Variants in OSBP2 observed in about 807,000 individuals in gnomAD.
OSBP2 encodes oxysterol binding protein 2, also known as oxysterol-binding protein 2.
OSBP2 carries 66 observed loss-of-function variants against 96.0 expected under a neutral mutation model. The observed-to-expected ratio is 0.69, with a 90% CI of 0.56 to 0.84. OSBP2 has a LOEUF of 0.84. Among genes scored for constraint, OSBP2 ranks in the 40% least tolerant of loss-of-function variants. The pLI is 0.00. For synonymous variants in OSBP2, 525 were observed against 520.9 expected, an observed-to-expected ratio of 1.01 and a Z score of -0.11; for missense variants, 1,038 against 1,222.7, an observed-to-expected ratio of 0.85 and a Z score of 2.25.
chr22:30,870,817 C>T lies in OSBP2; in HGVS notation c.1107+135C>T, dbSNP rs528935820. 23 of 886,306 alleles carry T rather than the reference C, an allele frequency of 2.6e-5. No homozygotes were observed. Among genetic ancestry groups the T allele is most frequent in the South Asian group, 1.2e-4 (7 of 58,326 alleles). The allele number at this position is 886,306 out of a possible 1,614,324, so 54.9% of individuals were successfully genotyped here. A position where few individuals can be genotyped will look rare whatever the true frequency, so the allele number is the denominator to read the frequency against. On this transcript the variant is annotated intron_variant, in intron 3 of 13. Coordinates refer to ENST00000332585, the MANE Select transcript of OSBP2 (RefSeq NM_030758.4). This position sits in a 1 kb window ranked among gnomAD's most constrained non-coding sequence, Gnocchi z 4.1. The stretch of plus-strand genomic sequence containing the variant: ...GTTCCACGGTGTTTCCCAAAGCCAG[C>T]GCCCCCCAGCTAGCTTCCGAGTTCT...
chr22:30,843,443 T>TCCCCCCCCCCC (rs1569146745), intron 2 of OSBP2, among the ~76,000 whole-genome samples: 1 of 99,616 alleles, frequency 1.0e-5, no homozygotes, highest in Non-Finnish European at 1.9e-5. Context: ...TCAGGAATCT[T>TCCCCCCCCCCC]TCCCCCCTCC....
At chr22:30,848,773 G>A (rs1465312986) in intron 2 of OSBP2, among the ~76,000 whole-genome samples, 3 of 151,970 alleles carry the variant, frequency 2.0e-5, no homozygotes, top group Admixed American at 1.3e-4. Context: ...TTGCTAACTC[G>A]TTTTCCATAG....
At chr22:30,787,681 AAAG>A (rs2090612595) in intron 2 of OSBP2, among the ~76,000 whole-genome samples, 1 of 152,094 alleles carries the variant, frequency 6.6e-6, no homozygotes, top group African/African-American at 2.4e-5. Context: ...TAAAAAGAAA[AAAG>A]AAAAAAAAGA....
intron 12 of OSBP2, among the ~76,000 whole-genome samples, chr22:30,897,530 A>C (rs559899219): frequency 6.6e-6 from 1 of 152,388 alleles, no homozygotes; most frequent in East Asian, 1.9e-4. Flanking sequence ...AGAAGTTACA[A>C]GCAAAATGAC....
Position 30,695,015 on chromosome 22 carries a change from G to A in OSBP2, c.106G>A (p.Ala36Thr). ...CCCCTGCCTGTCGTGCCACACGGCG[G>A]CGCCGGGCATGAGCGCTTCCACGTC... is the stretch of plus-strand genomic sequence containing the variant. ...VVPCLSCHTA[A>T]PGMSASTSGS... is the part of the protein sequence containing the mutation. The change falls in exon 1 of 14, where the codon GCG becomes ACG. Residue 36 changes from alanine (A) to threonine (T), a missense_variant. This residue lies in a region of OSBP2 where 281 missense variants were observed against 273.4 expected (regional missense o/e 1.03). Coordinates refer to ENST00000332585, the MANE Select transcript of OSBP2 (RefSeq NM_030758.4). 2 of 1,581,612 alleles carry A rather than the reference G, an allele frequency of 1.3e-6. No individual in the cohort carries two copies. Among genetic ancestry groups the A allele is most frequent in the Non-Finnish European group, 1.7e-6 (2 of 1,166,750 alleles).
chr22:30,832,719 C>T (rs910043767), intron 2 of OSBP2, among the ~76,000 whole-genome samples: 1 of 152,114 alleles, frequency 6.6e-6, no homozygotes, highest in African/African-American at 2.4e-5. Flanking sequence ...AGTTTCCTTG[C>T]GGGGTATTAA....
chr22:30,772,057 G>A (rs2090353064), intron 2 of OSBP2, among the ~76,000 whole-genome samples: 1 of 152,216 alleles, frequency 6.6e-6, no homozygotes, highest in African/African-American at 2.4e-5. Flanking sequence ...CCATCAGACA[G>A]CCGCAAGCCA....
At chr22:30,743,701 G>T (rs1378849302) in intron 2 of OSBP2, among the ~76,000 whole-genome samples, 2 of 152,138 alleles carry the variant, frequency 1.3e-5, no homozygotes, top group Admixed American at 6.6e-5. Context: ...ATAAATAAAT[G>T]ATAAATTGCC....
chr22:30,827,073 T>C (rs2146993305), intron 2 of OSBP2, among the ~76,000 whole-genome samples: 1 of 152,162 alleles, frequency 6.6e-6, no homozygotes, highest in South Asian at 2.1e-4. Flanking sequence ...CAGCTGTGTA[T>C]TGGAGGATGA....
At chr22:30,847,076 C>CA (rs1429129260) in intron 2 of OSBP2, among the ~76,000 whole-genome samples, 1 of 152,098 alleles carries the variant, frequency 6.6e-6, no homozygotes, top group African/African-American at 2.4e-5. Context: ...CTCCCAGGTT[C>CA]AAATGATCCT....
intron 2 of OSBP2, among the ~76,000 whole-genome samples, chr22:30,860,476 A>G (rs2039188107): frequency 6.6e-6 from 1 of 152,218 alleles, no homozygotes; most frequent in South Asian, 2.1e-4. Context: ...GGCTCAGGGG[A>G]GAAGCTGAGC....
intron 1 of OSBP2, among the ~76,000 whole-genome samples, chr22:30,709,386 A>T (rs1346159919): frequency 6.6e-6 from 1 of 152,162 alleles, no homozygotes; most frequent in Non-Finnish European, 1.5e-5. Flanking sequence ...TCTTAGTTTG[A>T]CAGATGGATC....
intron 2 of OSBP2, among the ~76,000 whole-genome samples, chr22:30,845,735 AG>A (rs1569147779): frequency 6.6e-6 from 1 of 151,996 alleles, no homozygotes. Context: ...TACAAAAATT[AG>A]CCAGGTGTGG....
At position 30,843,444 on chromosome 22, in the gene OSBP2, T is replaced by C. The variant is rs796947730; in HGVS notation, c.854-26985T>C. ...GCCACAGTACGTTTTCAGGAATCTTTCCCCCCTCCCCCTTGAGCAATAGGT... is the reference window on the plus strand; with the variant it reads ...GCCACAGTACGTTTTCAGGAATCTTCCCCCCCTCCCCCTTGAGCAATAGGT... On this transcript the variant is annotated intron_variant, in intron 2 of 13. Coordinates refer to ENST00000332585, the MANE Select transcript of OSBP2 (RefSeq NM_030758.4). Among the ~76,000 whole-genome samples the C allele has an allele frequency of 3.4e-3, 408 of 120,532 alleles. 2 individuals are homozygous for C. Among genetic ancestry groups the C allele is most frequent in the African/African-American group, 0.012 (316 of 25,330 alleles). 79.1% of individuals were successfully genotyped at this position (120,532 alleles called of 152,430 possible).
At chr22:30,803,626 G>A (rs1326287733) in intron 2 of OSBP2, among the ~76,000 whole-genome samples, 1 of 152,222 alleles carries the variant, frequency 6.6e-6, no homozygotes, top group Non-Finnish European at 1.5e-5. Context: ...CTTCACTGGG[G>A]CTACAAGCGA....
chr22:30,786,904 T>G (rs2090597721), intron 2 of OSBP2, among the ~76,000 whole-genome samples: 1 of 152,130 alleles, frequency 6.6e-6, no homozygotes, highest in Non-Finnish European at 1.5e-5. Flanking sequence ...GTTCAAGCGA[T>G]TCTCCTGCCT....
At chr22:30,747,502 T>G (rs1220589050) in intron 2 of OSBP2, among the ~76,000 whole-genome samples, 1 of 152,098 alleles carries the variant, frequency 6.6e-6, no homozygotes, top group East Asian at 1.9e-4. Flanking sequence ...ATAATAAAAA[T>G]AAAATGATTC....
chr22:30,707,039 T>C (rs1253675048), intron 1 of OSBP2, among the ~76,000 whole-genome samples: 1 of 152,138 alleles, frequency 6.6e-6, no homozygotes, highest in Non-Finnish European at 1.5e-5. Flanking sequence ...GTCTTCTCAA[T>C]GTAGTGTCCT....
chr22:30,816,086 T>A (rs1338535217), intron 2 of OSBP2, among the ~76,000 whole-genome samples: 1 of 152,120 alleles, frequency 6.6e-6, no homozygotes, highest in Non-Finnish European at 1.5e-5. Flanking sequence ...TCAGCTGCAC[T>A]GTAGTCTCAC....
Sources: allele counts gnomAD v4.1 joint callset (sites outside exome capture counted in the v4.1 genomes callset), GRCh38; gene constraint gnomAD v4.1.1; regional missense constraint gnomAD v4.1.1; non-coding constraint Gnocchi (gnomAD v3.1); transcripts MANE v1.5; gene names NCBI Gene and HGNC (gene_info 2026-07-23, HGNC 2026-07-21).